DCAF6: variants seen among roughly 807,000 people sequenced by gnomAD.
The protein encoded by DCAF6 is DDB1- and CUL4-associated factor 6.
In DCAF6, 54 loss-of-function variants were observed where a neutral mutation model predicts 125.1. That is an observed-to-expected ratio of 0.43 (90% CI 0.35 to 0.54). DCAF6 has a LOEUF of 0.54. Among genes scored for constraint, DCAF6 ranks in the 20% least tolerant of loss-of-function variants. The probability of loss-of-function intolerance (pLI) is 0.01; values close to 1 mark genes in which losing one functional copy is unlikely to be tolerated. For synonymous variants in DCAF6, 371 were observed against 390.4 expected, an observed-to-expected ratio of 0.95 and a Z score of 0.58; for missense variants, 934 against 1,161.7, an observed-to-expected ratio of 0.80 and a Z score of 2.85.
chr1:168,006,872 C>T (rs376528213), intron 10 of DCAF6, among the ~76,000 whole-genome samples: 2 of 152,226 alleles, frequency 1.3e-5, no homozygotes, highest in East Asian at 1.9e-4. Flanking sequence ...AAATTTGCTA[C>T]GCTCCATCTC....
chr1:168,009,391 CTTT>C (rs1405360429), intron 10 of DCAF6, among the ~76,000 whole-genome samples: 30 of 136,958 alleles, frequency 2.2e-4, no homozygotes, highest in East Asian at 7.2e-4. Flanking sequence ...TCCTTCCTTT[CTTT>C]CTTTCTTTCT....
At chr1:168,064,360 G>GT (rs1286109292) in intron 18 of DCAF6, among the ~76,000 whole-genome samples, 1 of 152,068 alleles carries the variant, frequency 6.6e-6, no homozygotes, top group Non-Finnish European at 1.5e-5. Flanking sequence ...GATGACTAGT[G>GT]TAACTGTTAC....
At chr1:167,881,373 C>T in the DCAF6 span, among the ~76,000 whole-genome samples, 2 of 152,124 alleles carry the variant, frequency 1.3e-5, no homozygotes, top group Non-Finnish European at 2.9e-5. Flanking sequence ...ATGTTACATC[C>T]TGATAAAATG....
At chr1:167,935,385 G>T (rs1241712930), upstream of DCAF6, among the ~76,000 whole-genome samples, 1 of 152,176 alleles carries the variant, frequency 6.6e-6, no homozygotes, top group Non-Finnish European at 1.5e-5. Flanking sequence ...GCCACAATTC[G>T]AAAAGAGAAA....
intron 4 of DCAF6, among the ~76,000 whole-genome samples, chr1:167,980,685 A>T (rs1181384334): frequency 6.6e-6 from 1 of 151,884 alleles, no homozygotes; most frequent in Admixed American, 6.6e-5. Flanking sequence ...TTCTTTATAT[A>T]TTCCGAATAT....
Position 167,940,414 on chromosome 1 carries a change from T to G in DCAF6, c.97+3406T>G, listed in dbSNP as rs185088762. Among the ~76,000 whole-genome samples, 406 of 151,848 alleles carry G rather than the reference T, an allele frequency of 2.7e-3. 1 individual carries two copies. Among genetic ancestry groups the G allele is most frequent in the Middle Eastern group, 6.8e-3 (2 of 294 alleles). The stretch of plus-strand genomic sequence containing the variant: ...CAGGGTGAGGCAGGGTTTTGCTCTG[T>G]CTCCCAGGCTGGTGTGCAGTGGCAC... On this transcript the variant is annotated intron_variant, in intron 1 of 21. Transcript: ENST00000367840.
chr1:167,968,831 G>GA (rs1676859038), intron 3 of DCAF6, among the ~76,000 whole-genome samples: 3 of 152,326 alleles, frequency 2.0e-5, no homozygotes, highest in African/African-American at 7.2e-5. Flanking sequence ...GAAGGACTCA[G>GA]TTCCATTGCA....
rs572180603 is a variant in DCAF6, at chr1:167,975,489, T to C, written c.438+474T>C. ...AAGACCTGAGCTGAATTAAATAAGG[T>C]GGAATAAATTTAAGACTCAATTTTA... On this transcript the variant is annotated intron_variant, in intron 4 of 21. Coordinates refer to ENST00000367840, the MANE Select transcript of DCAF6 (RefSeq NM_001198956.2). Among the ~76,000 whole-genome samples, 5 of 152,236 alleles carry C rather than the reference T, an allele frequency of 3.3e-5. No homozygotes were observed. The East Asian group carries it at 9.7e-4, about 29-fold the overall frequency.
chr1:168,055,781 T>G (rs1572124365), intron 17 of DCAF6: 2 of 250 alleles, frequency 8.0e-3, no homozygotes, highest in Non-Finnish European at 0.016. Flanking sequence ...TTAACAGTAG[T>G]TTTTTTTTCC....
chr1:168,058,856 C>T (rs1447837708), intron 17 of DCAF6, among the ~76,000 whole-genome samples: 1 of 152,166 alleles, frequency 6.6e-6, no homozygotes, highest in East Asian at 1.9e-4. Context: ...AGGCATGAGC[C>T]ACTGCACCCG....
intron 17 of DCAF6, among the ~76,000 whole-genome samples, chr1:168,053,275 G>T (rs751961480): frequency 5.9e-5 from 9 of 152,014 alleles, no homozygotes; most frequent in Non-Finnish European, 8.8e-5. Flanking sequence ...GCACCTTTAA[G>T]GACAGTGTAA....
chr1:168,055,551 G>T (rs1369137521), intron 17 of DCAF6, among the ~76,000 whole-genome samples: 1 of 82,446 alleles, frequency 1.2e-5, no homozygotes, highest in Non-Finnish European at 2.1e-5. Context: ...CCAAATCCAG[G>T]TATGGATACA....
the DCAF6 span, among the ~76,000 whole-genome samples, chr1:167,898,487 C>T: frequency 1.3e-5 from 2 of 151,836 alleles, no homozygotes; most frequent in South Asian, 2.1e-4. Context: ...GTAATTCCAG[C>T]GACTCGGAAG....
chr1:167,941,407 A>G (rs1052715596), intron 1 of DCAF6, among the ~76,000 whole-genome samples: 1 of 152,224 alleles, frequency 6.6e-6, no homozygotes, highest in African/African-American at 2.4e-5. Flanking sequence ...TTCTGGTAGC[A>G]TGGAGCTTAT....
rs531431807 is a variant in DCAF6, at chr1:168,025,498, T to C, written c.1609+2451T>C. ...GTAGACTATCAGAAATGTAGCTTTG[T>C]AATAAGACCTCTGAGCAGAAATGTT... is the stretch of plus-strand genomic sequence containing the variant. On this transcript the variant is annotated intron_variant, in intron 12 of 21. Coordinates refer to ENST00000367840, the MANE Select transcript of DCAF6 (RefSeq NM_001198956.2). Among the ~76,000 whole-genome samples the C allele has an allele frequency of 3.9e-5, 6 of 152,326 alleles. No individual in the cohort carries two copies. In the South Asian group the frequency reaches 1.2e-3, roughly 32 times the overall value.
the DCAF6 span, chr1:167,920,019 C>A: frequency 6.2e-7 from 1 of 1,613,428 alleles, no homozygotes; most frequent in South Asian, 1.1e-5. Flanking sequence ...GCTGCCCCCA[C>A]AAAGAAATTA....
intron 17 of DCAF6, chr1:168,056,010 C>T: frequency 1.2e-6 from 2 of 1,604,638 alleles, no homozygotes; most frequent in Non-Finnish European, 1.7e-6. Context: ...ATCTTCATAA[C>T]AAGATTTGTT....
At chr1:167,874,527 C>T in the DCAF6 span, among the ~76,000 whole-genome samples, 3 of 152,052 alleles carry the variant, frequency 2.0e-5, no homozygotes, top group South Asian at 6.2e-4. Flanking sequence ...TTAACATTCT[C>T]AGTCAGAATA....
At chr1:167,906,815 G>T in the DCAF6 span, among the ~76,000 whole-genome samples, 1 of 151,852 alleles carries the variant, frequency 6.6e-6, no homozygotes, top group African/African-American at 2.4e-5. Flanking sequence ...ATAATAAAAA[G>T]AAAGGTACAA....
Sources: allele counts gnomAD v4.1 joint callset (sites outside exome capture counted in the v4.1 genomes callset), GRCh38; gene constraint gnomAD v4.1.1; transcripts MANE v1.5; gene names NCBI Gene and HGNC (gene_info 2026-07-23, HGNC 2026-07-21).